Variants in SSH1 observed in about 807,000 individuals in gnomAD.
The protein encoded by SSH1 is protein phosphatase Slingshot homolog 1.
SSH1 carries 43 observed loss-of-function variants against 79.7 expected under a neutral mutation model. The observed-to-expected ratio is 0.54, with a 90% CI of 0.42 to 0.70. SSH1 has a LOEUF of 0.70. Ranked by LOEUF, SSH1 falls within the 30% of genes least tolerant of loss-of-function variation. SSH1 has a pLI of 0.00. For synonymous variants in SSH1, 599 were observed against 538.3 expected (o/e 1.11, Z -1.56); for missense variants, 1,206 against 1,358.8 (o/e 0.89, Z 1.77).
In SSH1 at chr12:108,817,097, G is replaced by A. The variant is rs755044932; in HGVS notation, c.342C>T (p.Ser114=). The change falls in exon 5 of 15, where the codon AGC becomes AGT. Residue 114 remains serine (S), a synonymous_variant. Transcript: ENST00000326495. ...TATTCTCCTCGGTGTCCTGGCGCCC[G>A]CTGCTGTACACCACCACCATGTACC... ...RVRYMVVVYS[S]GRQDTEENIL... 6.2e-6 allele frequency: 10 copies of A among 1,614,054 alleles called. No homozygotes were observed. Among genetic ancestry groups the A allele is most frequent in the African/African-American group, 4.0e-5 (3 of 74,934 alleles).
chr12:108,793,398 CTTT>C (rs200848471), intron 13 of SSH1, among the ~76,000 whole-genome samples: 32 of 137,770 alleles, frequency 2.3e-4, no homozygotes, highest in African/African-American at 4.8e-4. Flanking sequence ...TTTATAATCC[CTTT>C]TTTTTTTTTT....
At chr12:108,802,632 C>T (rs1441456484) in intron 10 of SSH1, among the ~76,000 whole-genome samples, 3 of 152,128 alleles carry the variant, frequency 2.0e-5, no homozygotes, top group Admixed American at 6.5e-5. Flanking sequence ...ACAGCAAGTC[C>T]AGGAAAACCT....
At chr12:108,813,324 A>AGG (rs2037714058) in intron 5 of SSH1, among the ~76,000 whole-genome samples, 1 of 152,156 alleles carries the variant, frequency 6.6e-6, no homozygotes, top group Admixed American at 6.5e-5. Flanking sequence ...GCCTGTTCCA[A>AGG]GACCCCATCG....
Position 108,818,299 on chromosome 12 carries a change from G to A in SSH1, c.229C>T (p.His77Tyr). 6.2e-7 allele frequency: 1 copy of A among 1,613,854 alleles called. No homozygotes were observed. The change falls in exon 4 of 15, where the codon CAT (histidine) becomes TAT (tyrosine). Residue 77 changes from histidine to tyrosine, a missense_variant. His to Tyr is a moderately conservative substitution (Grantham distance 83). Around this residue, in one of 5 missense-constraint regions of SSH1, gnomAD observed 115 missense variants for 173.9 expected, o/e 0.66. Transcript: ENST00000326495. ...PHKHAGDLPQ[H>Y]LQVMINLLRC... ...AGAAGGTTGATCATCACCTGAAGAT[G>A]TTGAGGCAGATCACCTGTTGGACCA...
intron 14 of SSH1, 81 bp downstream of exon 14, chr12:108,792,205 T>C (rs2036532923): frequency 6.2e-7 from 1 of 1,607,766 alleles, no homozygotes; most frequent in South Asian, 1.1e-5. Context: ...CTGTAGTCCC[T>C]ACTACAGAGG....
chr12:108,840,226 G>A lies in SSH1; in HGVS notation c.110+12412C>T, dbSNP rs142559684. Among the ~76,000 whole-genome samples, 512 of 152,186 alleles carry A rather than the reference G, an allele frequency of 3.4e-3. 2 individuals are homozygous for A. The highest frequency in any genetic ancestry group is 0.012 in the African/African-American group (485 of 41,530). ...ACCCTCCAGCCCAATCGCTCAGTTC[G>A]CTTTGAAAATGGCTCCTCTCGGGGG... is the stretch of plus-strand genomic sequence containing the variant. On this transcript the variant is annotated intron_variant, in intron 2 of 14. Coordinates refer to ENST00000326495, the MANE Select transcript of SSH1 (RefSeq NM_018984.4).
At chr12:108,847,238 A>T (rs1180671364) in intron 2 of SSH1, among the ~76,000 whole-genome samples, 1 of 152,156 alleles carries the variant, frequency 6.6e-6, no homozygotes, top group Non-Finnish European at 1.5e-5. Context: ...CAACCCTGAA[A>T]GGTCACAGTG....
At chr12:108,824,700 T>C (rs746362244) in intron 2 of SSH1, among the ~76,000 whole-genome samples, 10 of 151,736 alleles carry the variant, frequency 6.6e-5, no homozygotes, top group Admixed American at 1.3e-4. Context: ...GGAAGGATCA[T>C]TTGAGCCCAG....
intron 2 of SSH1, chr12:108,825,980 G>A (rs2038294236): frequency 7.8e-6 from 3 of 384,620 alleles, no homozygotes; most frequent in South Asian, 1.9e-5. Flanking sequence ...ACAGCTATGC[G>A]AGAGGTTCCA....
chr12:108,813,713 TAAAAAAAA>T, intron 5 of SSH1, among the ~76,000 whole-genome samples: 1 of 15,956 alleles, frequency 6.3e-5, no homozygotes, highest in Non-Finnish European at 2.0e-4. Flanking sequence ...GTCTCCAAAT[TAAAAAAAA>T]AAAAAAAAAA....
intron 10 of SSH1, among the ~76,000 whole-genome samples, chr12:108,804,463 C>G (rs1325685253): frequency 6.6e-6 from 1 of 152,226 alleles, no homozygotes; most frequent in Non-Finnish European, 1.5e-5. Context: ...AGCATTAAAA[C>G]AATCTGAGCT....
intron 11 of SSH1, among the ~76,000 whole-genome samples, chr12:108,801,730 T>C (rs2037016269): frequency 7.3e-6 from 1 of 136,634 alleles, no homozygotes; most frequent in South Asian, 2.9e-4. Flanking sequence ...TGTGGCTGTG[T>C]TGTTTTAAAA....
intron 2 of SSH1, among the ~76,000 whole-genome samples, chr12:108,831,834 C>A (rs1209750209): frequency 6.6e-6 from 1 of 152,108 alleles, no homozygotes; most frequent in Non-Finnish European, 1.5e-5. Flanking sequence ...GTTTGGTTAG[C>A]GTAAATTGGT....
chr12:108,838,999 T>C (rs2038711480), intron 2 of SSH1, among the ~76,000 whole-genome samples: 1 of 152,218 alleles, frequency 6.6e-6, no homozygotes, highest in Non-Finnish European at 1.5e-5. Context: ...TTACATTCTA[T>C]TGTTCTCTAT....
intron 2 of SSH1, among the ~76,000 whole-genome samples, chr12:108,829,300 C>A (rs899042123): frequency 6.6e-6 from 1 of 152,180 alleles, no homozygotes; most frequent in African/African-American, 2.4e-5. Context: ...GTACTCCAGC[C>A]TGGGCGACAA....
rs564174634 is a variant in SSH1, at chr12:108,800,384, C to T, written c.1148+396G>A. On this transcript the variant is annotated intron_variant, in intron 12 of 14. Coordinates refer to ENST00000326495, the MANE Select transcript of SSH1 (RefSeq NM_018984.4). ...AAGAAGCTCTAAGCCCGTGTCCGTG[C>T]ATGTCATCCCCTAGCCCTCTTTGGC... is the stretch of plus-strand genomic sequence containing the variant. Among the ~76,000 whole-genome samples the T allele has an allele frequency of 7.2e-5, 11 of 152,284 alleles. No homozygotes were observed. In the South Asian group the frequency reaches 1.7e-3, roughly 23 times the overall value.
In SSH1 at chr12:108,857,541, G is replaced by A. The variant is rs1165867770; in HGVS notation, c.-45C>T. The A allele has an allele frequency of 5.8e-6, 6 of 1,027,376 alleles. No homozygotes were observed. The highest frequency in any genetic ancestry group is 5.2e-5 in the African/African-American group (3 of 57,320). 63.6% of individuals were successfully genotyped at this position (1,027,376 alleles called of 1,614,324 possible). On this transcript the variant is annotated 5_prime_UTR_variant, in exon 1 of 15. Transcript: ENST00000326495. The surrounding 1 kb of genome is among the most constrained non-coding windows in gnomAD (Gnocchi z 4.7). Reference sequence around the variant, plus strand: ...GGCGCCACAGACGTCTCGAGCTAGAGCCGCCACCGCCACCGCCGCCCGGGC... The same window carrying A: ...GGCGCCACAGACGTCTCGAGCTAGAACCGCCACCGCCACCGCCGCCCGGGC...
At chr12:108,851,558 T>C (rs1227284438) in intron 2 of SSH1, among the ~76,000 whole-genome samples, 12 of 152,176 alleles carry the variant, frequency 7.9e-5, no homozygotes. Context: ...ATACATGATA[T>C]TAATATAACA....
intron 10 of SSH1, among the ~76,000 whole-genome samples, chr12:108,803,784 T>C (rs1016689898): frequency 2.0e-5 from 3 of 152,196 alleles, no homozygotes; most frequent in Non-Finnish European, 4.4e-5. Flanking sequence ...TGCCCAGGAC[T>C]GCCCACACTT....
Sources: gnomAD v4.1 joint callset for allele counts (sites outside exome capture counted in the v4.1 genomes callset) on GRCh38, gnomAD v4.1.1 for gene constraint, gnomAD v4.1.1 regional missense constraint, Gnocchi (gnomAD v3.1) non-coding constraint, MANE v1.5 for transcripts, NCBI Gene and HGNC (gene_info 2026-07-23, HGNC 2026-07-21) for gene names.